KCNIP4: variants seen among roughly 807,000 people sequenced by gnomAD.
KCNIP4 encodes Kv channel-interacting protein 4.
KCNIP4 carries 12 observed loss-of-function variants against 34.0 expected under a neutral mutation model. The observed-to-expected ratio is 0.35, with a 90% confidence interval of 0.23 to 0.57. The LOEUF (loss-of-function observed/expected upper bound fraction) is 0.57. Among genes scored for constraint, KCNIP4 ranks in the 20% least tolerant of loss-of-function variants. The probability of loss-of-function intolerance (pLI) is 0.83; values close to 1 mark genes in which losing one functional copy is unlikely to be tolerated. For missense variants in KCNIP4, 238 were observed against 311.7 expected (o/e 0.76, Z 1.78); for synonymous variants, 124 against 102.2 (o/e 1.21, Z -1.29).
intron 1 of KCNIP4, among the ~76,000 whole-genome samples, chr4:21,170,930 T>C (rs1030143488): frequency 1.3e-5 from 2 of 152,152 alleles, no homozygotes; most frequent in Non-Finnish European, 2.9e-5. Flanking sequence ...GTCAAGTAGA[T>C]TTCCTTTTTA....
intron 3 of KCNIP4, among the ~76,000 whole-genome samples, chr4:20,773,573 G>A (rs1173158223): frequency 1.3e-5 from 2 of 152,146 alleles, no homozygotes; most frequent in South Asian, 2.1e-4. Flanking sequence ...TCTTAGGGTT[G>A]TATCATCATA....
intron 1 of KCNIP4, among the ~76,000 whole-genome samples, chr4:21,259,077 T>A (rs1198041847): frequency 1.3e-5 from 2 of 152,206 alleles, no homozygotes; most frequent in Non-Finnish European, 2.9e-5. Context: ...AGAGTTTAAA[T>A]ACTTTTCACG....
At chr4:21,208,255 T>G (rs996623941) in intron 1 of KCNIP4, among the ~76,000 whole-genome samples, 1 of 152,176 alleles carries the variant, frequency 6.6e-6, no homozygotes, top group African/African-American at 2.4e-5. Context: ...CTAGACCCCT[T>G]GTACTAATTT....
chr4:21,527,043 G>A (rs1375615744), intron 1 of KCNIP4, among the ~76,000 whole-genome samples: 1 of 152,124 alleles, frequency 6.6e-6, no homozygotes, highest in Non-Finnish European at 1.5e-5. Context: ...GCACACTTAA[G>A]AGGAAAGAAT....
intron 1 of KCNIP4, among the ~76,000 whole-genome samples, chr4:21,443,964 A>G (rs1434099653): frequency 6.6e-6 from 1 of 152,032 alleles, no homozygotes; most frequent in East Asian, 1.9e-4. Flanking sequence ...TCCCACAGAA[A>G]TACAAACTAC....
Position 20,922,547 on chromosome 4 carries a change from G to GTCTGTCTGTCTATCTATCTATCTATCTA in KCNIP4, c.62-39839_62-39838insTAGATAGATAGATAGATAGACAGACAGA, listed in dbSNP as rs373186954. The stretch of plus-strand genomic sequence containing the variant: ...TGTCTGTCTGTCTGTCTGTCTGTCT[G>GTCTGTCTGTCTATCTATCTATCTATCTA]TCTATCTATCTATCTATCTATCTAT... On this transcript the variant is annotated intron_variant, in intron 1 of 8. Transcript: ENST00000382152. Among the ~76,000 whole-genome samples the GTCTGTCTGTCTATCTATCTATCTATCTA allele has an allele frequency of 5.7e-4, 74 of 129,512 alleles. 1 individual carries two copies. The highest frequency in any genetic ancestry group is 1.0e-3 in the Non-Finnish European group (62 of 60,564). The allele number at this position is 129,512 out of a possible 152,430, so 85.0% of individuals were successfully genotyped here.
intron 1 of KCNIP4, among the ~76,000 whole-genome samples, chr4:21,050,665 G>A (rs1478257592): frequency 2.6e-5 from 4 of 152,136 alleles, no homozygotes; most frequent in Admixed American, 2.6e-4. Flanking sequence ...GGTTCAACCA[G>A]CTAAGTAAAC....
intron 3 of KCNIP4, among the ~76,000 whole-genome samples, chr4:20,842,581 C>CAAAAAA (rs59134256): frequency 8.6e-5 from 6 of 69,688 alleles, no homozygotes; most frequent in African/African-American, 1.8e-4. Flanking sequence ...CTTCTAATGG[C>CAAAAAA]AAAAAAAAAA....
intron 1 of KCNIP4, among the ~76,000 whole-genome samples, chr4:21,930,390 T>C (rs936729842): frequency 1.3e-5 from 2 of 152,154 alleles, no homozygotes; most frequent in Non-Finnish European, 2.9e-5. Context: ...ATGACTTCTA[T>C]GGAACTGCCT....
In KCNIP4 at chr4:21,173,246, T is replaced by C. The variant is rs142329449; in HGVS notation, c.62-290537A>G. On this transcript the variant is annotated intron_variant, in intron 1 of 8. Transcript: ENST00000382152. ...GAATTTCCTGATTACAGGAAAGATATTAAAAAGTGCTAGGTTTGGGGGAAA... is the reference window on the plus strand; with the variant it reads ...GAATTTCCTGATTACAGGAAAGATACTAAAAAGTGCTAGGTTTGGGGGAAA... Among the ~76,000 whole-genome samples, 351 of 152,186 alleles carry C rather than the reference T, an allele frequency of 2.3e-3. 2 individuals are homozygous for C. The highest frequency in any genetic ancestry group is 7.7e-3 in the African/African-American group (321 of 41,560).
chr4:21,691,857 C>G (rs940653258), intron 1 of KCNIP4, among the ~76,000 whole-genome samples: 9 of 152,090 alleles, frequency 5.9e-5, no homozygotes, highest in Non-Finnish European at 1.0e-4. Context: ...CGCCACCATG[C>G]GCAGCTAACT....
intron 3 of KCNIP4, among the ~76,000 whole-genome samples, chr4:20,824,823 C>T (rs1368859671): frequency 4.6e-5 from 7 of 151,914 alleles, no homozygotes; most frequent in Non-Finnish European, 1.0e-4. Flanking sequence ...CTCATAATTG[C>T]TTTTTTCTTT....
At chr4:21,265,528 A>G (rs1224110224) in intron 1 of KCNIP4, among the ~76,000 whole-genome samples, 3 of 152,220 alleles carry the variant, frequency 2.0e-5, no homozygotes, top group Non-Finnish European at 4.4e-5. Flanking sequence ...TAAGCCAGGT[A>G]AGAATGACAG....
chr4:21,483,820 AAAAATAAAAATG>A (rs1409276797), intron 1 of KCNIP4, among the ~76,000 whole-genome samples: 2 of 68,770 alleles, frequency 2.9e-5, no homozygotes, highest in Admixed American at 1.3e-4. Flanking sequence ...AAATAAAAAT[AAAAATAAAAATG>A]TGTGTGGTAC....
chr4:20,935,459 C>A (rs532470202), intron 1 of KCNIP4, among the ~76,000 whole-genome samples: 2 of 152,160 alleles, frequency 1.3e-5, no homozygotes, highest in Non-Finnish European at 2.9e-5. Context: ...AAACTCGAAA[C>A]CCTGTCAATC....
chr4:20,860,820 AACTTC>A (rs1722115674), intron 2 of KCNIP4, among the ~76,000 whole-genome samples: 1 of 152,170 alleles, frequency 6.6e-6, no homozygotes, highest in Non-Finnish European at 1.5e-5. Context: ...TATTCCTGAG[AACTTC>A]TAGGATAAGG....
At chr4:21,605,065 T>C (rs1253619468) in intron 1 of KCNIP4, among the ~76,000 whole-genome samples, 1 of 152,172 alleles carries the variant, frequency 6.6e-6, no homozygotes, top group Admixed American at 6.5e-5. Context: ...GTGGGATTCT[T>C]GCGGGCTGGT....
chr4:20,977,429 A>G (rs568615213), intron 1 of KCNIP4, among the ~76,000 whole-genome samples: 222 of 152,270 alleles, frequency 1.5e-3, no homozygotes, highest in African/African-American at 5.0e-3. Context: ...TCTCTCTGCA[A>G]TGAATAATAA....
At chr4:21,309,467 G>A (rs1244578779) in intron 1 of KCNIP4, among the ~76,000 whole-genome samples, 1 of 151,972 alleles carries the variant, frequency 6.6e-6, no homozygotes, top group Non-Finnish European at 1.5e-5. Context: ...ATATATCTAT[G>A]TACTCACAAA....
Sources: gnomAD v4.1 joint callset for allele counts (sites outside exome capture counted in the v4.1 genomes callset) on GRCh38, gnomAD v4.1.1 for gene constraint, MANE v1.5 for transcripts, NCBI Gene and HGNC (gene_info 2026-07-23, HGNC 2026-07-21) for gene names.